Variants in KRT82 observed in about 807,000 individuals in gnomAD.
KRT82 encodes the protein keratin 82.
Under a neutral mutation model 48.0 loss-of-function variants are expected in KRT82, and 44 were observed. That is an observed-to-expected ratio of 0.92 (90% CI 0.72 to 1.18). KRT82 has a LOEUF of 1.18. Ranked by LOEUF, KRT82 falls within the 50% of genes most tolerant of loss-of-function variation. The probability of loss-of-function intolerance (pLI) is 0.00; values close to 1 mark genes in which losing one functional copy is unlikely to be tolerated. For synonymous variants in KRT82, 297 were observed against 278.3 expected, an observed-to-expected ratio of 1.07 and a Z score of -0.67; for missense variants, 701 against 671.4, an observed-to-expected ratio of 1.04 and a Z score of -0.49.
intron 5 of KRT82, among the ~76,000 whole-genome samples, chr12:52,398,529 C>A (rs147853796): frequency 4.7e-5 from 7 of 148,684 alleles, no homozygotes; most frequent in African/African-American, 1.7e-4. Context: ...CAAATGCAAT[C>A]TTCAACTAAT....
At position 52,394,811 on chromosome 12, in the gene KRT82, G is replaced by A. The variant is rs1939687287; in HGVS notation, c.*164C>T. On this transcript the variant is annotated 3_prime_UTR_variant, in exon 9 of 9. Transcript: ENST00000257974. ...AAGGTGACTCATGAGGCAAAGGAGG[G>A]GTCCTAGGGGCAGCTCAGCTCTCAA... is the stretch of plus-strand genomic sequence containing the variant. 3.1e-6 allele frequency: 2 copies of A among 639,032 alleles called. No individual in the cohort carries two copies. The highest frequency in any genetic ancestry group is 5.5e-6 in the Non-Finnish European group (2 of 362,008). 39.6% of individuals were successfully genotyped at this position (639,032 alleles called of 1,614,324 possible). A position where few individuals can be genotyped will look rare whatever the true frequency, so the allele number is the denominator to read the frequency against.
rs775353419 is a variant in KRT82, at chr12:52,396,037, G to T, written c.1264C>A (p.Arg422Ser). ...CTGTGCTCTTCACCCTCCAGCAGGC[G>T]CCTGTAGGTGGCGATCTCGATGTCC... ...GLDIEIATYR[R>S]LLEGEEHRLC... is the part of the protein sequence containing the mutation. The change falls in exon 7 of 9, where the codon CGC becomes AGC. Residue 422 changes from arginine to serine, a missense_variant. Transcript: ENST00000257974. 2 of 1,614,058 alleles carry T rather than the reference G, an allele frequency of 1.2e-6. No homozygotes were observed. Among genetic ancestry groups the T allele is most frequent in the Non-Finnish European group, 1.7e-6 (2 of 1,180,020 alleles).
intron 2 of KRT82, among the ~76,000 whole-genome samples, chr12:52,402,669 A>C (rs1306982570): frequency 6.7e-6 from 1 of 149,290 alleles, no homozygotes; most frequent in Non-Finnish European, 1.5e-5. Flanking sequence ...GTGTAGGTGC[A>C]GGTGGTCTGT....
chr12:52,403,886 G>A lies in KRT82; in HGVS notation c.435C>T (p.Asn145=). The change falls in exon 2 of 9, where the codon AAC becomes AAT. Residue 145 remains asparagine, a synonymous_variant. Coordinates refer to ENST00000257974, the MANE Select transcript of KRT82 (RefSeq NM_033033.4). ...AGTTCCACTTGGTCTCCAGCAGCTT[G>A]TTCTTCTGCTCCAGGAAACGGACCT... ...INKVRFLEQK[N]KLLETKWNFM... 1 of 1,613,924 alleles carries A rather than the reference G, an allele frequency of 6.2e-7. No individual in the cohort carries two copies. The highest frequency in any genetic ancestry group is 8.5e-7 in the Non-Finnish European group (1 of 1,180,004).
rs1391052377 is a variant in KRT82, at chr12:52,394,789, G to A, written c.*186C>T. ...GGGTCTGCACACAGGTGAGTGGAAG[G>A]TGACTCATGAGGCAAAGGAGGGGTC... On this transcript the variant is annotated 3_prime_UTR_variant, in exon 9 of 9. Coordinates refer to ENST00000257974, the MANE Select transcript of KRT82 (RefSeq NM_033033.4). 2 of 611,982 alleles carry A rather than the reference G, an allele frequency of 3.3e-6. No homozygotes were observed. Among genetic ancestry groups the A allele is most frequent in the Non-Finnish European group, 5.8e-6 (2 of 343,018 alleles). The allele number at this position is 611,982 out of a possible 1,614,324, so 37.9% of individuals were successfully genotyped here.
intron 5 of KRT82, among the ~76,000 whole-genome samples, chr12:52,399,170 C>T (rs559181424): frequency 2.3e-4 from 35 of 152,338 alleles, no homozygotes; most frequent in Non-Finnish European, 4.6e-4. Flanking sequence ...ACTCCCTACC[C>T]TTCCCCTGGT....
Position 52,394,829 on chromosome 12 carries a change from G to A in KRT82, c.*146C>T. 1 of 708,022 alleles carries A rather than the reference G, an allele frequency of 1.4e-6. No individual in the cohort carries two copies. The allele number at this position is 708,022 out of a possible 1,614,324, so 43.9% of individuals were successfully genotyped here. On this transcript the variant is annotated 3_prime_UTR_variant, in exon 9 of 9. Coordinates refer to ENST00000257974, the MANE Select transcript of KRT82 (RefSeq NM_033033.4). Reference sequence around the variant, plus strand: ...AAGGAGGGGTCCTAGGGGCAGCTCAGCTCTCAAGGAGGGAACACTGGAGGG... The same window carrying A: ...AAGGAGGGGTCCTAGGGGCAGCTCAACTCTCAAGGAGGGAACACTGGAGGG...
chr12:52,401,161 C>T, intron 3 of KRT82, 128 bp downstream of exon 3: 1 of 707,082 alleles, frequency 1.4e-6, no homozygotes, highest in Non-Finnish European at 2.4e-6. Flanking sequence ...GCACAGGAGT[C>T]TGAGGGGCGA....
At chr12:52,396,813 C>A in intron 6 of KRT82, 70 bp downstream of exon 6, 2 of 1,587,156 alleles carry the variant, frequency 1.3e-6, no homozygotes, top group South Asian at 2.2e-5. Context: ...TTGAACCCGC[C>A]CTGCACGGCA....
chr12:52,401,214 C>A lies in KRT82; in HGVS notation c.681+75G>T. The A allele has an allele frequency of 8.6e-6, 11 of 1,285,972 alleles. No homozygotes were observed. The South Asian group carries it at 1.1e-4, about 13-fold the overall frequency. 79.7% of individuals were successfully genotyped at this position (1,285,972 alleles called of 1,614,324 possible). ...TGGGTGGGCTGCAGACACGTTTGGA[C>A]TGAGTTCAGGGCTAGGTGGCCTGGG... is the stretch of plus-strand genomic sequence containing the variant. On this transcript the variant is annotated intron_variant, in intron 3 of 8. Coordinates refer to ENST00000257974, the MANE Select transcript of KRT82 (RefSeq NM_033033.4).
chr12:52,395,870 T>A, intron 7 of KRT82, 80 bp from the exon 8 acceptor site: 1 of 1,471,162 alleles, frequency 6.8e-7, no homozygotes, highest in East Asian at 2.3e-5. Context: ...GCTCCCGCCC[T>A]CATTGTGGAC....
chr12:52,404,837 T>C (rs1178989317), intron 1 of KRT82, among the ~76,000 whole-genome samples: 1 of 152,220 alleles, frequency 6.6e-6, no homozygotes, highest in African/African-American at 2.4e-5. Context: ...TTGGCATATA[T>C]TACCTCCTCT....
chr12:52,400,169 GAGA>G lies in KRT82; in HGVS notation c.778-23_778-21del, dbSNP rs1487971788. 1.2e-6 allele frequency: 2 copies of G among 1,605,282 alleles called. No homozygotes were observed. Among genetic ancestry groups the G allele is most frequent in the Non-Finnish European group, 8.5e-7 (1 of 1,173,884 alleles). On this transcript the variant is annotated intron_variant, in intron 4 of 8. Transcript: ENST00000257974. ...GATCTCCTGGGGGCAGGGCCCATGT[GAGA>G]AGGAGTGAGCTCTCTGAGCGTCCGG...
At chr12:52,401,681 G>C (rs1939792815) in intron 2 of KRT82, among the ~76,000 whole-genome samples, 2 of 152,220 alleles carry the variant, frequency 1.3e-5, no homozygotes, top group Admixed American at 1.3e-4. Context: ...CGTAGAAGAA[G>C]GCTGTGCTGC....
intron 8 of KRT82, 135 bp from the exon 9 acceptor site, chr12:52,395,330 C>A (rs1216997623): frequency 1.9e-5 from 13 of 699,260 alleles, no homozygotes; most frequent in Non-Finnish European, 3.1e-5. Flanking sequence ...CAGCCTCCAG[C>A]CTCCGCGTCT....
intron 3 of KRT82, 98 bp downstream of exon 3, chr12:52,401,191 G>T (rs930495149): frequency 5.1e-6 from 5 of 975,676 alleles, no homozygotes; most frequent in African/African-American, 4.9e-5. Context: ...TTTCAGAGTG[G>T]GTGGGCTGCA....
intron 8 of KRT82, among the ~76,000 whole-genome samples, chr12:52,395,484 C>T (rs1939700569): frequency 6.6e-6 from 1 of 152,226 alleles, no homozygotes; most frequent in African/African-American, 2.4e-5. Flanking sequence ...TTCAAATCCT[C>T]TTCCTCTAGA....
chr12:52,395,683 G>T, intron 8 of KRT82, 76 bp downstream of exon 8: 3 of 1,089,862 alleles, frequency 2.8e-6, no homozygotes, highest in Non-Finnish European at 4.0e-6. Flanking sequence ...CTAGGAAGGG[G>T]TGGTGTGGGC....
chr12:52,396,979 G>T lies in KRT82; in HGVS notation c.972C>A (p.Asn324Lys). Residue 324 changes from asparagine (N) to lysine (K), a missense_variant, in exon 6 of 9, where the codon AAC becomes AAA. Transcript: ENST00000257974. ...RYEELRVTAG[N>K]HCDNLRNRKN... is the part of the protein sequence containing the mutation. Reference sequence around the variant, plus strand: ...TACGGTTGCGGAGGTTGTCACAGTGGTTCCCAGCTGTGACTCTCAGCTCCT... The same window carrying T: ...TACGGTTGCGGAGGTTGTCACAGTGTTTCCCAGCTGTGACTCTCAGCTCCT... 1 of 1,613,946 alleles carries T rather than the reference G, an allele frequency of 6.2e-7. No homozygotes were observed. The highest frequency in any genetic ancestry group is 1.1e-5 in the South Asian group (1 of 91,068).
Sources: allele counts gnomAD v4.1 joint callset (sites outside exome capture counted in the v4.1 genomes callset), GRCh38; gene constraint gnomAD v4.1.1; transcripts MANE v1.5; gene names NCBI Gene and HGNC (gene_info 2026-07-23, HGNC 2026-07-21).